BEGAIN: variants seen among roughly 807,000 people sequenced by gnomAD.
BEGAIN encodes the protein brain-enriched guanylate kinase-associated protein.
A neutral mutation model predicts 35.8 loss-of-function variants in BEGAIN; 19 were observed. The ratio of observed to expected loss-of-function variants is 0.53; its 90% CI spans 0.37 to 0.78. The LOEUF (loss-of-function observed/expected upper bound fraction) is 0.78, where lower values mean the gene tolerates loss of function less well. Ranked by LOEUF, BEGAIN falls within the 30% of genes least tolerant of loss-of-function variation. BEGAIN has a pLI of 0.00. For missense variants in BEGAIN, 795 were observed against 853.6 expected, an observed-to-expected ratio of 0.93 and a Z score of 0.85; for synonymous variants, 462 against 388.6, an observed-to-expected ratio of 1.19 and a Z score of -2.22.
Position 100,567,904 on chromosome 14 carries a change from C to T in BEGAIN, c.71+7G>A. 1 of 1,469,050 alleles carries T rather than the reference C, an allele frequency of 6.8e-7. No individual in the cohort carries two copies. Among genetic ancestry groups the T allele is most frequent in the Non-Finnish European group, 9.1e-7 (1 of 1,101,598 alleles). The allele number at this position is 1,469,050 out of a possible 1,614,324, so 91.0% of individuals were successfully genotyped here. On this transcript the variant is annotated splice_region_variant and intron_variant, in intron 2 of 6. Coordinates refer to ENST00000554140, the MANE Select transcript of BEGAIN (RefSeq NM_001385089.1). The surrounding 1 kb of genome is among the most constrained non-coding windows in gnomAD (Gnocchi z 5.1). Reference sequence around the variant, plus strand: ...GCGAGCCGCGGCACGGGAGACGCTCCACTCACCTGAGTTTCTCCATGTCTG... The same window carrying T: ...GCGAGCCGCGGCACGGGAGACGCTCTACTCACCTGAGTTTCTCCATGTCTG...
intron 2 of BEGAIN, among the ~76,000 whole-genome samples, chr14:100,566,003 C>G (rs1021591402): frequency 1.5e-4 from 23 of 152,234 alleles, no homozygotes; most frequent in South Asian, 4.1e-4. Context: ...CAGAAACCCA[C>G]TGGGGCAGCC....
At chr14:100,561,024 G>A (rs1314182567) in intron 2 of BEGAIN, among the ~76,000 whole-genome samples, 1 of 118,674 alleles carries the variant, frequency 8.4e-6, no homozygotes, top group Non-Finnish European at 1.6e-5. Context: ...AGGATTTTCT[G>A]CCTGTGGTAG....
At position 100,537,858 on chromosome 14, in the gene BEGAIN, G is replaced by GTTGTTGT; in HGVS notation, c.*110_*111insACAACAA. ...AGGTGCGGGGAGGAACAGACTCCTC[G>GTTGTTGT]TTGTTGGCCGGGGCAGGGGAACAGC... On this transcript the variant is annotated 3_prime_UTR_variant, in exon 7 of 7. Transcript: ENST00000554140. The GTTGTTGT allele has an allele frequency of 7.0e-7, 1 of 1,424,232 alleles. No individual in the cohort carries two copies. The highest frequency in any genetic ancestry group is 2.6e-5 in the East Asian group (1 of 37,834). The allele number at this position is 1,424,232 out of a possible 1,614,324, so 88.2% of individuals were successfully genotyped here. A position where few individuals can be genotyped will look rare whatever the true frequency, so the allele number is the denominator to read the frequency against.
Position 100,538,767 on chromosome 14 carries a change from G to A in BEGAIN, c.1041C>T (p.Asn347=), listed in dbSNP as rs201436578. Residue 347 remains asparagine (N), a synonymous_variant, in exon 7 of 7, where the codon AAC becomes AAT. Transcript: ENST00000554140. ...TGCGGTCGAAGAGCTCGTCGCGGCTGTTCAGGTAGATGGCCTGCTGCGACG... is the reference window on the plus strand; with the variant it reads ...TGCGGTCGAAGAGCTCGTCGCGGCTATTCAGGTAGATGGCCTGCTGCGACG... The part of the protein sequence containing the change: ...LTASQQAIYL[N]SRDELFDRKP... 6.3e-7 allele frequency: 1 copy of A among 1,587,602 alleles called. No individual in the cohort carries two copies. Among genetic ancestry groups the A allele is most frequent in the African/African-American group, 1.3e-5 (1 of 74,726 alleles).
chr14:100,571,998 G>A (rs2035094056), intron 1 of BEGAIN, among the ~76,000 whole-genome samples: 1 of 152,328 alleles, frequency 6.6e-6, no homozygotes, highest in African/African-American at 2.4e-5. Context: ...CCTGCGGTGA[G>A]CAGGTGGTGT....
chr14:100,578,623 G>A (rs1363136507), intron 1 of BEGAIN, among the ~76,000 whole-genome samples: 1 of 152,204 alleles, frequency 6.6e-6, no homozygotes, highest in Non-Finnish European at 1.5e-5. Flanking sequence ...GCAGAACTCT[G>A]CAGAAAAGAT....
At chr14:100,566,327 C>T (rs12323920) in intron 2 of BEGAIN, among the ~76,000 whole-genome samples, 7,453 of 152,304 alleles carry the variant, frequency 0.049, 618 homozygotes, top group African/African-American at 0.17. Context: ...TGCACCCAGC[C>T]GGGCGGGGTC....
intron 2 of BEGAIN, among the ~76,000 whole-genome samples, chr14:100,561,641 A>G (rs2034264652): frequency 6.6e-6 from 1 of 151,844 alleles, no homozygotes; most frequent in Admixed American, 6.6e-5. Flanking sequence ...AGTCCAGGCT[A>G]TTTGGGAGGC....
intron 2 of BEGAIN, among the ~76,000 whole-genome samples, chr14:100,557,739 G>C (rs2033885255): frequency 6.6e-6 from 1 of 152,134 alleles, no homozygotes; most frequent in African/African-American, 2.4e-5. Context: ...AGGGATCCTA[G>C]GCGTGCCTGT....
intron 1 of BEGAIN, chr14:100,569,032 C>T (rs1309764899): frequency 4.9e-6 from 4 of 809,970 alleles, no homozygotes; most frequent in Non-Finnish European, 6.0e-6. Context: ...GGGCGCAGCC[C>T]GGCCGCAGCG....
intron 1 of BEGAIN, among the ~76,000 whole-genome samples, chr14:100,581,091 C>A (rs1403773048): frequency 1.3e-5 from 2 of 152,136 alleles, no homozygotes; most frequent in African/African-American, 4.8e-5. Context: ...TTCTCCAACA[C>A]TCCAACAGGC....
chr14:100,537,834 G>T lies in BEGAIN; in HGVS notation c.*135C>A. 7.6e-7 allele frequency: 1 copy of T among 1,321,378 alleles called. No individual in the cohort carries two copies. Among genetic ancestry groups the T allele is most frequent in the Non-Finnish European group, 1.0e-6 (1 of 1,001,710 alleles). The allele number at this position is 1,321,378 out of a possible 1,614,324, so 81.9% of individuals were successfully genotyped here. A position where few individuals can be genotyped will look rare whatever the true frequency, so the allele number is the denominator to read the frequency against. ...GCCTACAGGGCTGGGGAGGAGAGGA[G>T]GTGCGGGGAGGAACAGACTCCTCGT... On this transcript the variant is annotated 3_prime_UTR_variant, in exon 7 of 7. Transcript: ENST00000554140.
At chr14:100,553,962 C>T (rs987307600) in intron 2 of BEGAIN, among the ~76,000 whole-genome samples, 3 of 152,174 alleles carry the variant, frequency 2.0e-5, no homozygotes, top group African/African-American at 4.8e-5. Flanking sequence ...AGCAGGTAAG[C>T]GTCCACTTAG....
chr14:100,568,071 G>T lies in BEGAIN; in HGVS notation c.43-132C>A. The T allele has an allele frequency of 9.2e-7, 1 of 1,086,776 alleles. No homozygotes were observed. The highest frequency in any genetic ancestry group is 4.4e-5 in the South Asian group (1 of 22,776). 67.3% of individuals were successfully genotyped at this position (1,086,776 alleles called of 1,614,324 possible). A position where few individuals can be genotyped will look rare whatever the true frequency, so the allele number is the denominator to read the frequency against. ...CCGTCCGTGGGAAGCCCGGCGCCGC[G>T]CGTCCCCAGCTTCCAGTCCCGGCCG... On this transcript the variant is annotated intron_variant, in intron 1 of 6. Transcript: ENST00000554140. The surrounding 1 kb of genome is among the most constrained non-coding windows in gnomAD (Gnocchi z 7.5).
At position 100,538,665 on chromosome 14, in the gene BEGAIN, G is replaced by A. The variant is rs1397382298; in HGVS notation, c.1143C>T (p.Ala381=). Residue 381 remains alanine, a synonymous_variant, in exon 7 of 7, where the codon GCC becomes GCT. Coordinates refer to ENST00000554140, the MANE Select transcript of BEGAIN (RefSeq NM_001385089.1). ...ATAAVAAPLE[A]EVAPGFGRTM... ...TCCGCCCGAAGCCTGGGGCCACTTC[G>A]GCCTCCAGCGGGGCCGCCACCGCGG... The A allele has an allele frequency of 1.3e-6, 2 of 1,550,498 alleles. No homozygotes were observed. Among genetic ancestry groups the A allele is most frequent in the African/African-American group, 1.4e-5 (1 of 73,132 alleles).
chr14:100,541,069 C>T (rs1464154827), intron 5 of BEGAIN, among the ~76,000 whole-genome samples: 2 of 152,252 alleles, frequency 1.3e-5, no homozygotes, highest in Non-Finnish European at 2.9e-5. Flanking sequence ...ACCCTCTTCC[C>T]AGAGTGTGGT....
chr14:100,577,935 G>A lies in BEGAIN; in HGVS notation c.42+9314C>T, dbSNP rs143292711. 1.3e-3 allele frequency: 516 copies of A among 399,204 alleles called. 3 individuals are homozygous for A. Among genetic ancestry groups the A allele is most frequent in the African/African-American group, 9.7e-3 (472 of 48,750 alleles). The allele number at this position is 399,204 out of a possible 1,614,324, so 24.7% of individuals were successfully genotyped here. On this transcript the variant is annotated intron_variant, in intron 1 of 6. Coordinates refer to ENST00000554140, the MANE Select transcript of BEGAIN (RefSeq NM_001385089.1). ...TAGGGTTAGAGCCCCGTGCCTGGGA[G>A]CTGGCCCCTGAGAGCATCCTCCTGA...
intron 3 of BEGAIN, 25 bp from the exon 4 acceptor site, chr14:100,545,091 CTGCCA>C (rs2032196276): frequency 6.2e-7 from 1 of 1,612,656 alleles, no homozygotes; most frequent in Non-Finnish European, 8.5e-7. Flanking sequence ...AAGGGGGTCA[CTGCCA>C]TGCAAGGCCT....
At chr14:100,579,640 T>A (rs914044307) in intron 1 of BEGAIN, among the ~76,000 whole-genome samples, 3 of 152,138 alleles carry the variant, frequency 2.0e-5, no homozygotes, top group Non-Finnish European at 4.4e-5. Flanking sequence ...TCTGGATGCC[T>A]CCATCAGGTG....
Sources: allele counts gnomAD v4.1 joint callset (sites outside exome capture counted in the v4.1 genomes callset), GRCh38; gene constraint gnomAD v4.1.1; non-coding constraint Gnocchi (gnomAD v3.1); transcripts MANE v1.5; gene names NCBI Gene and HGNC (gene_info 2026-07-23, HGNC 2026-07-21).